CMIP: variants seen among roughly 807,000 people sequenced by gnomAD.
CMIP encodes c-Maf inducing protein.
Under a neutral mutation model 97.3 loss-of-function variants are expected in CMIP, and 13 were observed. The observed-to-expected ratio is 0.13, with a 90% CI of 0.09 to 0.21. CMIP has a LOEUF of 0.21. Among genes scored for constraint, CMIP ranks in the 10% least tolerant of loss-of-function variants. The probability of loss-of-function intolerance (pLI) is 1.00; values close to 1 mark genes in which losing one functional copy is unlikely to be tolerated. For synonymous variants in CMIP, 538 were observed against 436.3 expected, an observed-to-expected ratio of 1.23 and a Z score of -2.91; for missense variants, 847 against 1,024.9, an observed-to-expected ratio of 0.83 and a Z score of 2.37.
intron 1 of CMIP, among the ~76,000 whole-genome samples, chr16:81,509,961 G>A (rs1008065556): frequency 2.6e-5 from 4 of 152,204 alleles, no homozygotes; most frequent in African/African-American, 9.7e-5. Context: ...GAGAAGTCCT[G>A]CCCCAAAGGA....
intron 3 of CMIP, among the ~76,000 whole-genome samples, chr16:81,632,350 G>A (rs926888207): frequency 2.0e-5 from 3 of 152,220 alleles, no homozygotes; most frequent in African/African-American, 7.2e-5. Context: ...GCTGCACGGG[G>A]CTTCTCAGAA....
At chr16:81,546,043 T>C (rs542787621) in intron 1 of CMIP, among the ~76,000 whole-genome samples, 71 of 152,244 alleles carry the variant, frequency 4.7e-4, no homozygotes, top group Admixed American at 2.2e-3. Flanking sequence ...TGAATAGCAG[T>C]GTTGGAGAAC....
At chr16:81,459,873 G>C (rs6564883) in intron 1 of CMIP, among the ~76,000 whole-genome samples, 2,200 of 152,318 alleles carry the variant, frequency 0.014, 45 homozygotes, top group African/African-American at 0.05. Flanking sequence ...CTTAGGAGGT[G>C]GCCTTGTCAG....
At chr16:81,567,227 C>T (rs1393200208) in intron 1 of CMIP, among the ~76,000 whole-genome samples, 1 of 152,264 alleles carries the variant, frequency 6.6e-6, no homozygotes, top group Non-Finnish European at 1.5e-5. Flanking sequence ...GCGGAAACCC[C>T]GCACCACGGG....
intron 14 of CMIP, 85 bp downstream of exon 14, chr16:81,696,752 C>G: frequency 3.1e-6 from 4 of 1,295,712 alleles, no homozygotes; most frequent in Non-Finnish European, 4.2e-6. Flanking sequence ...TCCCCCATCC[C>G]CTGGGGCCAG....
At chr16:81,610,314 T>C in intron 2 of CMIP, 1 of 985,640 alleles carries the variant, frequency 1.0e-6, no homozygotes, top group Non-Finnish European at 1.2e-6. Flanking sequence ...GCCGTGGTGC[T>C]GAGGAGCCGA....
chr16:81,668,834 C>T (rs970622143), intron 7 of CMIP, among the ~76,000 whole-genome samples: 1 of 151,294 alleles, frequency 6.6e-6, no homozygotes, highest in Non-Finnish European at 1.5e-5. Flanking sequence ...CACTGCCTTC[C>T]ACACCCACCT....
chr16:81,706,897 C>A, intron 19 of CMIP, 117 bp from the exon 20 acceptor site: 2 of 809,138 alleles, frequency 2.5e-6, no homozygotes, highest in East Asian at 2.5e-5. Flanking sequence ...CCCTCCCCAG[C>A]CCCATCTCCT....
At chr16:81,492,929 G>A (rs751216154) in intron 1 of CMIP, among the ~76,000 whole-genome samples, 7 of 152,068 alleles carry the variant, frequency 4.6e-5, no homozygotes, top group African/African-American at 9.7e-5. Flanking sequence ...AGAAGGGAGC[G>A]GCCGAAGAGG....
At chr16:81,654,541 C>G (rs1295763687) in intron 4 of CMIP, among the ~76,000 whole-genome samples, 5 of 152,228 alleles carry the variant, frequency 3.3e-5, no homozygotes, top group African/African-American at 4.8e-5. Context: ...ATTACTCACC[C>G]TACTTTACTG....
intron 1 of CMIP, among the ~76,000 whole-genome samples, chr16:81,493,794 C>T (rs1031252211): frequency 3.3e-5 from 5 of 152,208 alleles, no homozygotes; most frequent in South Asian, 2.1e-4. Flanking sequence ...CTCAAAGGGG[C>T]GAGTCACCTG....
At chr16:81,500,519 T>C (rs1273569139) in intron 1 of CMIP, among the ~76,000 whole-genome samples, 1 of 143,312 alleles carries the variant, frequency 7.0e-6, no homozygotes, top group East Asian at 2.2e-4. Flanking sequence ...AGATGGAGTC[T>C]CACTCTGTCG....
rs1039713915 is a variant in CMIP at position 81,476,186 on chromosome 16, A to C, written c.300+30645A>C. On this transcript the variant is annotated intron_variant, in intron 1 of 20. Coordinates refer to ENST00000537098, the MANE Select transcript of CMIP (RefSeq NM_198390.3). ...TCAGTCTTGGCAGTGCGTGTGGAAA[A>C]CTGGGAACCGTTTGTGTTGGGTCCA... 2.4e-6 allele frequency: 3 copies of C among 1,268,694 alleles called. No individual in the cohort carries two copies. In the African/African-American group the frequency reaches 4.4e-5, roughly 19 times the overall value. 78.6% of individuals were successfully genotyped at this position (1,268,694 alleles called of 1,614,324 possible).
chr16:81,568,505 C>G (rs766131245), intron 1 of CMIP, among the ~76,000 whole-genome samples: 2 of 152,200 alleles, frequency 1.3e-5, no homozygotes, highest in Non-Finnish European at 2.9e-5. Context: ...CACTCTCTCT[C>G]TGTGCCAGGC....
At chr16:81,687,806 G>A (rs930395396) in intron 10 of CMIP, among the ~76,000 whole-genome samples, 3 of 152,186 alleles carry the variant, frequency 2.0e-5, no homozygotes, top group African/African-American at 7.2e-5. Flanking sequence ...ATGAAGCTGT[G>A]CTGGTAGGTG....
At chr16:81,613,651 A>T (rs1029580292) in intron 2 of CMIP, among the ~76,000 whole-genome samples, 1 of 152,214 alleles carries the variant, frequency 6.6e-6, no homozygotes, top group African/African-American at 2.4e-5. Flanking sequence ...CACTGCCATG[A>T]TCATTTTTAG....
At chr16:81,560,952 G>T (rs1016001652) in intron 1 of CMIP, among the ~76,000 whole-genome samples, 1 of 152,106 alleles carries the variant, frequency 6.6e-6, no homozygotes, top group Non-Finnish European at 1.5e-5. Flanking sequence ...CCATTGTTAA[G>T]AGATGCATGA....
intron 1 of CMIP, among the ~76,000 whole-genome samples, chr16:81,521,789 T>G (rs2090032993): frequency 6.6e-6 from 1 of 152,156 alleles, no homozygotes; most frequent in African/African-American, 2.4e-5. Context: ...CAGTTGGGTT[T>G]TCAAACATAA....
chr16:81,497,975 C>T (rs2089523407), intron 1 of CMIP, among the ~76,000 whole-genome samples: 1 of 152,268 alleles, frequency 6.6e-6, no homozygotes, highest in Non-Finnish European at 1.5e-5. Context: ...TATTTTATTC[C>T]TCTTCCGGGC....
Sources: gnomAD v4.1 joint callset for allele counts (sites outside exome capture counted in the v4.1 genomes callset) on GRCh38, gnomAD v4.1.1 for gene constraint, MANE v1.5 for transcripts, NCBI Gene and HGNC (gene_info 2026-07-23, HGNC 2026-07-21) for gene names.